The following CAMSAP1 variants were observed in gnomAD, a reference collection of about 807,000 sequenced individuals.
CAMSAP1 encodes calmodulin-regulated spectrin-associated protein 1.
A neutral mutation model predicts 143.5 loss-of-function variants in CAMSAP1; 58 were observed. That is an observed-to-expected ratio of 0.40 (90% confidence interval 0.33 to 0.50). The LOEUF (loss-of-function observed/expected upper bound fraction) is 0.50. CAMSAP1 is among the 20% of genes least tolerant of loss of function. The pLI is 0.45. For synonymous variants in CAMSAP1, 945 were observed against 859.3 expected (o/e 1.10, Z -1.74); for missense variants, 1,969 against 2,115.7 (o/e 0.93, Z 1.36).
intron 3 of CAMSAP1, among the ~76,000 whole-genome samples, chr9:135,876,969 A>T (rs1424133939): frequency 6.6e-6 from 1 of 152,190 alleles, no homozygotes; most frequent in Non-Finnish European, 1.5e-5. Flanking sequence ...AGACCTTGCC[A>T]CTACCCTCTA....
At chr9:135,837,399 T>C (rs180673814) in intron 7 of CAMSAP1, among the ~76,000 whole-genome samples, 6 of 147,796 alleles carry the variant, frequency 4.1e-5, no homozygotes, top group East Asian at 2.1e-4. Context: ...TTTCTGCCCG[T>C]TGTACAGACA....
At chr9:135,857,127 C>T (rs766718221) in intron 5 of CAMSAP1, among the ~76,000 whole-genome samples, 1 of 152,226 alleles carries the variant, frequency 6.6e-6, no homozygotes, top group African/African-American at 2.4e-5. Context: ...TAGGCTTTGC[C>T]ATGGCCCTTC....
chr9:135,872,889 A>T (rs1198289353), intron 3 of CAMSAP1, among the ~76,000 whole-genome samples: 1 of 152,242 alleles, frequency 6.6e-6, no homozygotes, highest in African/African-American at 2.4e-5. Context: ...GCGGGTTACA[A>T]GTGCACAGCT....
intron 5 of CAMSAP1, among the ~76,000 whole-genome samples, chr9:135,861,196 G>A (rs73559458): frequency 1.3e-5 from 2 of 152,066 alleles, no homozygotes; most frequent in African/African-American, 2.4e-5. Context: ...AGGGCCAAAC[G>A]AACATGGAAA....
At chr9:135,868,356 CCTGA>C (rs1313118137) in intron 3 of CAMSAP1, among the ~76,000 whole-genome samples, 4 of 152,132 alleles carry the variant, frequency 2.6e-5, no homozygotes, top group Non-Finnish European at 4.4e-5. Flanking sequence ...CACCTGTGCA[CCTGA>C]CTGAGTTACA....
Position 135,824,157 on chromosome 9 carries a change from A to T in CAMSAP1, c.1316-123T>A. ...TCAGTACACCAGAAGGGCCGCATGG[A>T]AAGCAGAGAGGCAAAACCATACAGT... is the stretch of plus-strand genomic sequence containing the variant. On this transcript the variant is annotated intron_variant, in intron 9 of 16. Coordinates refer to ENST00000389532, the MANE Select transcript of CAMSAP1 (RefSeq NM_015447.4). The surrounding 1 kb of genome is among the most constrained non-coding windows in gnomAD (Gnocchi z 4.1). 1 of 797,678 alleles carries T rather than the reference A, an allele frequency of 1.3e-6. No individual in the cohort carries two copies. The highest frequency in any genetic ancestry group is 1.5e-5 in the South Asian group (1 of 65,134). 49.4% of individuals were successfully genotyped at this position (797,678 alleles called of 1,614,324 possible).
rs145417617 is a variant in CAMSAP1, at chr9:135,826,443, C to T, written c.1223+964G>A. On this transcript the variant is annotated intron_variant, in intron 8 of 16. Transcript: ENST00000389532. This position sits in a 1 kb window ranked among gnomAD's most constrained non-coding sequence, Gnocchi z 4.4. ...TCCAAACCCCTCCCTCAGCTATGCCCCACCCCTGGGTGTGTACCCCCCCAC... is the reference window on the plus strand; with the variant it reads ...TCCAAACCCCTCCCTCAGCTATGCCTCACCCCTGGGTGTGTACCCCCCCAC... 3.9e-3 allele frequency: 595 copies of T among 152,558 alleles called. 4 individuals are homozygous for T. Among genetic ancestry groups the T allele is most frequent in the Non-Finnish European group, 6.8e-3 (462 of 68,070 alleles). The allele number at this position is 152,558 out of a possible 1,614,324, so 9.5% of individuals were successfully genotyped here.
At chr9:135,862,326 CTA>C (rs1238857669) in intron 5 of CAMSAP1, 139 bp downstream of exon 5, 3 of 1,006,030 alleles carry the variant, frequency 3.0e-6, no homozygotes, top group Non-Finnish European at 1.4e-6. Flanking sequence ...ATTTTTTCAT[CTA>C]TAGGCTAACA....
chr9:135,871,530 G>A (rs1939173457), intron 3 of CAMSAP1, among the ~76,000 whole-genome samples: 1 of 152,044 alleles, frequency 6.6e-6, no homozygotes, highest in Non-Finnish European at 1.5e-5. Context: ...CTAAAACATT[G>A]TTAGTATTAA....
intron 1 of CAMSAP1, among the ~76,000 whole-genome samples, chr9:135,886,752 G>A (rs1838135649): frequency 6.6e-6 from 1 of 152,248 alleles, no homozygotes. Flanking sequence ...CGTGGACCCA[G>A]GAGGCTGCTG....
At chr9:135,832,136 A>G (rs1354071742) in intron 7 of CAMSAP1, among the ~76,000 whole-genome samples, 2 of 152,228 alleles carry the variant, frequency 1.3e-5, no homozygotes, top group Non-Finnish European at 2.9e-5. Flanking sequence ...CTACAGGCCA[A>G]TATCTCTGAT....
At chr9:135,846,084 A>G (rs1836537550) in intron 7 of CAMSAP1, among the ~76,000 whole-genome samples, 1 of 151,288 alleles carries the variant, frequency 6.6e-6, no homozygotes, top group Non-Finnish European at 1.5e-5. Flanking sequence ...AAAAAAAAAA[A>G]AAAAAAAAAC....
At position 135,818,190 on chromosome 9, in the gene CAMSAP1, C is replaced by T. The variant is rs913232300; in HGVS notation, c.4169-111G>A. The stretch of plus-strand genomic sequence containing the variant: ...CCCTGCAGAGCTCGGCCACACAGGC[C>T]GCGTCCCCACCCCATCCCGGGGAGC... On this transcript the variant is annotated intron_variant, in intron 13 of 16. Coordinates refer to ENST00000389532, the MANE Select transcript of CAMSAP1 (RefSeq NM_015447.4). This position sits in a 1 kb window ranked among gnomAD's most constrained non-coding sequence, Gnocchi z 7.7. 2.8e-5 allele frequency: 35 copies of T among 1,232,790 alleles called. No homozygotes were observed. The African/African-American group carries it at 3.3e-4, about 12-fold the overall frequency. 76.4% of individuals were successfully genotyped at this position (1,232,790 alleles called of 1,614,324 possible).
chr9:135,850,577 T>C (rs1017595919), intron 5 of CAMSAP1, 116 bp from the exon 6 acceptor site: 11 of 801,876 alleles, frequency 1.4e-5, no homozygotes, highest in Admixed American at 9.8e-5. Flanking sequence ...GATAATGACA[T>C]TGAGAGATGT....
In CAMSAP1 at chr9:135,839,949, C is replaced by T. The variant is rs534539463; in HGVS notation, c.1045+10188G>A. Among the ~76,000 whole-genome samples the T allele has an allele frequency of 5.9e-5, 9 of 152,342 alleles. No homozygotes were observed. In the East Asian group the frequency reaches 1.3e-3, roughly 23 times the overall value. The stretch of plus-strand genomic sequence containing the variant: ...CTCTCAGGCCAGGACAACAGACACA[C>T]ACATGAAGCAGCCAGAGGTAGGCAG... On this transcript the variant is annotated intron_variant, in intron 7 of 16. Coordinates refer to ENST00000389532, the MANE Select transcript of CAMSAP1 (RefSeq NM_015447.4).
chr9:135,850,144 C>G lies in CAMSAP1; in HGVS notation c.1038G>C (p.Leu346=). Residue 346 remains leucine (L), a synonymous_variant, in exon 7 of 17, where the codon CTG becomes CTC. Transcript: ENST00000389532. ...GGAATATCTGTCACTCACCGTCTTT[C>G]AGCTCCTGAACATCCCTGGGCTGAA... The part of the protein sequence containing the change: ...DFVQPRDVQE[L]KDAKTVLHQK... 6.2e-7 allele frequency: 1 copy of G among 1,607,840 alleles called. No individual in the cohort carries two copies. The highest frequency in any genetic ancestry group is 8.5e-7 in the Non-Finnish European group (1 of 1,177,420).
intron 5 of CAMSAP1, among the ~76,000 whole-genome samples, chr9:135,850,877 A>T (rs1564439837): frequency 6.6e-6 from 1 of 152,362 alleles, no homozygotes; most frequent in East Asian, 1.9e-4. Flanking sequence ...AAGGGAAATG[A>T]ATAAAACGTA....
chr9:135,856,019 T>G (rs1836955619), intron 5 of CAMSAP1, among the ~76,000 whole-genome samples: 2 of 152,050 alleles, frequency 1.3e-5, no homozygotes, highest in African/African-American at 4.8e-5. Context: ...ACCACTGCAC[T>G]CCAGCATAGG....
intron 7 of CAMSAP1, 45 bp from the exon 8 acceptor site, chr9:135,827,629 G>C (rs773155955): frequency 2.7e-6 from 4 of 1,463,258 alleles, no homozygotes; most frequent in Non-Finnish European, 3.7e-6. Context: ...ACACTAACTG[G>C]AAGCACAGAA....
Sources: gnomAD v4.1 joint callset for allele counts (sites outside exome capture counted in the v4.1 genomes callset) on GRCh38, gnomAD v4.1.1 for gene constraint, Gnocchi (gnomAD v3.1) non-coding constraint, MANE v1.5 for transcripts, NCBI Gene and HGNC (gene_info 2026-07-23, HGNC 2026-07-21) for gene names.